Variants in PAXBP1 observed in about 807,000 individuals in gnomAD.
PAXBP1 encodes PAX3- and PAX7-binding protein 1.
PAXBP1 carries 44 observed loss-of-function variants against 119.9 expected under a neutral mutation model. That is an observed-to-expected ratio of 0.37 (90% CI 0.29 to 0.47). The LOEUF (loss-of-function observed/expected upper bound fraction) is 0.47, where lower values mean the gene tolerates loss of function less well. Among genes scored for constraint, PAXBP1 ranks in the 20% least tolerant of loss-of-function variants. The pLI, the probability that PAXBP1 is intolerant of heterozygous loss-of-function variation, is 0.99. For missense variants in PAXBP1, 898 were observed against 1,134.1 expected (o/e 0.79, Z 2.99); for synonymous variants, 393 against 406.6 (o/e 0.97, Z 0.40).
chr21:32,737,027 A>G (rs1438470821), intron 17 of PAXBP1, among the ~76,000 whole-genome samples: 6 of 152,252 alleles, frequency 3.9e-5, no homozygotes, highest in Admixed American at 2.6e-4. Flanking sequence ...CACTCCCCTG[A>G]GGGTTGGTCC....
intron 1 of PAXBP1, 93 bp from the exon 2 acceptor site, chr21:32,770,035 C>G: frequency 1.1e-6 from 1 of 922,360 alleles, no homozygotes; most frequent in Non-Finnish European, 1.6e-6. Context: ...CCAAATTATC[C>G]CAAATATATA....
chr21:32,759,225 T>G lies in PAXBP1; in HGVS notation c.1238A>C (p.His413Pro). Residue 413 changes from histidine to proline, a missense_variant, in exon 7 of 18, where the codon CAT (histidine) becomes CCT (proline). His to Pro is a moderately conservative substitution (Grantham distance 77). Coordinates refer to ENST00000331923, the MANE Select transcript of PAXBP1 (RefSeq NM_016631.4). ...KELHKTNRQQHEKHLQSRVDS... is the reference protein window; with the variant it reads ...KELHKTNRQQPEKHLQSRVDS... ...CACTCGGCTTTGCAGATGTTTCTCATGCTGCTGTCGATTTGTTTTGTGCAA... is the reference window on the plus strand; with the variant it reads ...CACTCGGCTTTGCAGATGTTTCTCAGGCTGCTGTCGATTTGTTTTGTGCAA... The G allele has an allele frequency of 1.2e-6, 2 of 1,614,066 alleles. No homozygotes were observed. The highest frequency in any genetic ancestry group is 8.5e-7 in the Non-Finnish European group (1 of 1,179,914).
At chr21:32,752,792 GC>G (rs2043977538) in intron 8 of PAXBP1, among the ~76,000 whole-genome samples, 1 of 152,026 alleles carries the variant, frequency 6.6e-6, no homozygotes, top group Non-Finnish European at 1.5e-5. Flanking sequence ...ACAGGCACCC[GC>G]CACCAGCTAA....
At position 32,756,979 on chromosome 21, in the gene PAXBP1, T is replaced by C. The variant is rs534448280; in HGVS notation, c.1384-1626A>G. Among the ~76,000 whole-genome samples the C allele has an allele frequency of 5.6e-4, 86 of 152,268 alleles. 1 individual carries two copies. Among genetic ancestry groups the C allele is most frequent in the Non-Finnish European group, 1.2e-3 (79 of 68,012 alleles). ...CTCAAGAGTCTGCACCGTGACAATT[T>C]CTTTATCCTCTCCAAACTCAAAACT... On this transcript the variant is annotated intron_variant, in intron 7 of 17. Transcript: ENST00000331923.
rs746341501 is a variant in PAXBP1 at position 32,744,854 on chromosome 21, T to C, written c.2128A>G (p.Ile710Val). The change falls in exon 13 of 18, where the codon ATT (isoleucine) becomes GTT (valine). Residue 710 changes from isoleucine to valine, a missense_variant. Physicochemically the swap from Ile to Val is conservative, Grantham distance 29. Coordinates refer to ENST00000331923, the MANE Select transcript of PAXBP1 (RefSeq NM_016631.4). ...TATCCATTGATTAATTTTAGTGTAA[T>C]TCCCACCATTCTTGAAGTCTGTGTT... ...STTQTSRMVG[I>V]TLKLINGYPS... 1 of 1,607,458 alleles carries C rather than the reference T, an allele frequency of 6.2e-7. No homozygotes were observed. The highest frequency in any genetic ancestry group is 1.1e-5 in the South Asian group (1 of 89,648).
Position 32,771,331 on chromosome 21 carries a change from T to C in PAXBP1, c.338A>G (p.Glu113Gly). 6.3e-7 allele frequency: 1 copy of C among 1,582,232 alleles called. No individual in the cohort carries two copies. The highest frequency in any genetic ancestry group is 1.1e-5 in the South Asian group (1 of 90,572). Residue 113 changes from glutamate to glycine, a missense_variant, in exon 1 of 18, where the codon GAG becomes GGG. By Grantham distance (98) the Glu-to-Gly change is moderately conservative. This residue lies in a region of PAXBP1 where 299 missense variants were observed against 281.4 expected (regional missense o/e 1.06). Transcript: ENST00000331923. ...GTCCGAAGCGCGCACTTTACCTTCC[T>C]CCTCGTCCTGGAAGCTGAGCAGGCT... is the stretch of plus-strand genomic sequence containing the variant. Reference protein sequence around the residue: ...RASLLSFQDEEEENEEVFKVK... With the variant: ...RASLLSFQDEGEENEEVFKVK...
intron 8 of PAXBP1, among the ~76,000 whole-genome samples, chr21:32,753,689 T>C (rs1352837327): frequency 6.6e-6 from 1 of 152,228 alleles, no homozygotes; most frequent in East Asian, 1.9e-4. Context: ...CCTCAAATCT[T>C]TGGCAATTAA....
chr21:32,753,252 T>C (rs572134481), intron 8 of PAXBP1, among the ~76,000 whole-genome samples: 1 of 149,986 alleles, frequency 6.7e-6, no homozygotes, highest in East Asian at 2.0e-4. Context: ...AGGTCAGGAG[T>C]TCAAGACCAG....
chr21:32,752,740 A>C (rs950544053), intron 8 of PAXBP1, among the ~76,000 whole-genome samples: 5 of 152,108 alleles, frequency 3.3e-5, no homozygotes, highest in Non-Finnish European at 5.9e-5. Flanking sequence ...CCCAGGTTCA[A>C]GCGATTCTCC....
In PAXBP1 at chr21:32,764,672, GAATT is replaced by G. The variant is rs1337772294; in HGVS notation, c.473-152_473-149del. On this transcript the variant is annotated intron_variant, in intron 2 of 17. Coordinates refer to ENST00000331923, the MANE Select transcript of PAXBP1 (RefSeq NM_016631.4). ...TTATGGGCTCAATCCAGTAAAGCTTGAATTAATTGTTTGTTAAAAACTCATAACT... is the reference window on the plus strand; with the variant it reads ...TTATGGGCTCAATCCAGTAAAGCTTGAATTGTTTGTTAAAAACTCATAACT... The G allele has an allele frequency of 3.8e-4, 220 of 577,334 alleles. 1 individual carries two copies. In the East Asian group the frequency reaches 5.8e-3, roughly 15 times the overall value. The allele number at this position is 577,334 out of a possible 1,614,324, so 35.8% of individuals were successfully genotyped here.
At chr21:32,749,662 T>C (rs1434513741) in intron 10 of PAXBP1, among the ~76,000 whole-genome samples, 1 of 152,122 alleles carries the variant, frequency 6.6e-6, no homozygotes, top group Non-Finnish European at 1.5e-5. Flanking sequence ...AACAGCATCC[T>C]GTATAAATTA....
At chr21:32,749,001 G>A (rs1158187912) in intron 10 of PAXBP1, among the ~76,000 whole-genome samples, 1 of 152,124 alleles carries the variant, frequency 6.6e-6, no homozygotes. Flanking sequence ...TTACTACGGT[G>A]TATTAGCCAT....
chr21:32,753,577 T>A (rs925314395), intron 8 of PAXBP1, among the ~76,000 whole-genome samples: 2 of 152,210 alleles, frequency 1.3e-5, no homozygotes, highest in African/African-American at 4.8e-5. Flanking sequence ...TAATTGCAGA[T>A]AAGTGCTTAT....
At chr21:32,768,768 C>T (rs1392728690) in intron 2 of PAXBP1, among the ~76,000 whole-genome samples, 1 of 152,234 alleles carries the variant, frequency 6.6e-6, no homozygotes, top group African/African-American at 2.4e-5. Flanking sequence ...TACTGAACAT[C>T]CTTCACAATC....
intron 2 of PAXBP1, among the ~76,000 whole-genome samples, chr21:32,768,585 G>A (rs2077917211): frequency 2.6e-5 from 4 of 152,178 alleles, no homozygotes. Context: ...GCTCAACTGT[G>A]AGACCTTTTT....
intron 5 of PAXBP1, among the ~76,000 whole-genome samples, chr21:32,760,291 C>T (rs983036070): frequency 1.1e-4 from 17 of 151,942 alleles, no homozygotes; most frequent in Non-Finnish European, 4.4e-5. Context: ...AATGCCTTGC[C>T]CATGGTCACA....
intron 15 of PAXBP1, among the ~76,000 whole-genome samples, chr21:32,741,776 A>G (rs1242227656): frequency 1.3e-5 from 2 of 152,200 alleles, no homozygotes; most frequent in African/African-American, 4.8e-5. Flanking sequence ...CAGGGATTCT[A>G]GTTTCTATGG....
intron 15 of PAXBP1, among the ~76,000 whole-genome samples, chr21:32,741,099 T>A (rs558653420): frequency 5.9e-5 from 9 of 152,300 alleles, no homozygotes; most frequent in African/African-American, 2.2e-4. Flanking sequence ...GAGTAAGGAA[T>A]AACCAGGACA....
chr21:32,738,490 A>G, intron 15 of PAXBP1, 171 bp from the exon 16 acceptor site: 1 of 613,206 alleles, frequency 1.6e-6, no homozygotes, highest in Admixed American at 3.8e-5. Flanking sequence ...TTACATTTGA[A>G]TATTCAATTT....
Sources: gnomAD v4.1 joint callset for allele counts (sites outside exome capture counted in the v4.1 genomes callset) on GRCh38, gnomAD v4.1.1 for gene constraint, gnomAD v4.1.1 regional missense constraint, MANE v1.5 for transcripts, NCBI Gene and HGNC (gene_info 2026-07-23, HGNC 2026-07-21) for gene names.